STX16: variants seen among roughly 807,000 people sequenced by gnomAD.
The protein encoded by STX16 is syntaxin 16.
STX16 carries 28 observed loss-of-function variants against 42.7 expected under a neutral mutation model. The ratio of observed to expected loss-of-function variants is 0.66; its 90% confidence interval spans 0.49 to 0.90. The LOEUF (loss-of-function observed/expected upper bound fraction) is 0.90. Among genes scored for constraint, STX16 ranks in the 40% least tolerant of loss-of-function variants. STX16 has a pLI of 0.00. For missense variants in STX16, 361 were observed against 420.9 expected, an observed-to-expected ratio of 0.86 and a Z score of 1.24; for synonymous variants, 156 against 155.2, an observed-to-expected ratio of 1.00 and a Z score of -0.04.
chr20:58,669,845 A>G (rs2083928795), intron 5 of STX16, among the ~76,000 whole-genome samples: 1 of 152,242 alleles, frequency 6.6e-6, no homozygotes, highest in Admixed American at 6.5e-5. Context: ...ACATATTTGC[A>G]TAACAACCAA....
chr20:58,675,956 C>G (rs893162099), intron 8 of STX16, among the ~76,000 whole-genome samples: 1 of 152,190 alleles, frequency 6.6e-6, no homozygotes, highest in African/African-American at 2.4e-5. Flanking sequence ...AGGTTTCCAA[C>G]AAATCCATTT....
At position 58,676,681 on chromosome 20, in the gene STX16, A is replaced by G. The variant is rs2084135728; in HGVS notation, c.*390A>G. 6.4e-6 allele frequency: 1 copy of G among 156,166 alleles called. No homozygotes were observed. Among genetic ancestry groups the G allele is most frequent in the African/African-American group, 2.4e-5 (1 of 41,646 alleles). 9.7% of individuals were successfully genotyped at this position (156,166 alleles called of 1,614,324 possible). ...CATGTCTGAGCAGAATGTTAACATA[A>G]TTTTTGGAAAAATTTTCTTTAAACC... On this transcript the variant is annotated 3_prime_UTR_variant, in exon 9 of 9. Coordinates refer to ENST00000371141, the MANE Select transcript of STX16 (RefSeq NM_001001433.3).
At chr20:58,665,682 G>A (rs143282155) in intron 2 of STX16, among the ~76,000 whole-genome samples, 4 of 152,272 alleles carry the variant, frequency 2.6e-5, no homozygotes, top group South Asian at 2.1e-4. Flanking sequence ...TTCACGGCCC[G>A]GGAGCCCCAG....
At chr20:58,652,172 C>T (rs1233496178) in intron 1 of STX16, 34 bp downstream of exon 1, 5 of 1,611,668 alleles carry the variant, frequency 3.1e-6, no homozygotes, top group African/African-American at 1.3e-5. Context: ...GACACACGGA[C>T]CGTGTGCACT....
At chr20:58,663,954 C>T (rs1027834273) in intron 2 of STX16, among the ~76,000 whole-genome samples, 5 of 152,108 alleles carry the variant, frequency 3.3e-5, no homozygotes, top group African/African-American at 4.8e-5. Context: ...CTGGGATTAC[C>T]GGCGTGAGCC....
intron 1 of STX16, among the ~76,000 whole-genome samples, chr20:58,654,577 A>T (rs1446963728): frequency 6.6e-6 from 1 of 152,230 alleles, no homozygotes; most frequent in Non-Finnish European, 1.5e-5. Flanking sequence ...CACAATTTGT[A>T]AAATCTATTG....
At chr20:58,658,659 G>T (rs971655908) in intron 1 of STX16, among the ~76,000 whole-genome samples, 5 of 151,858 alleles carry the variant, frequency 3.3e-5, no homozygotes, top group East Asian at 1.9e-4. Flanking sequence ...ATTGATTATT[G>T]AATTTCACCA....
At chr20:58,663,770 C>T (rs933129641) in intron 2 of STX16, among the ~76,000 whole-genome samples, 26 of 152,110 alleles carry the variant, frequency 1.7e-4, no homozygotes, top group Admixed American at 1.4e-3. Context: ...TTCTGCCTTC[C>T]GGGTTCAAGT....
At chr20:58,670,648 C>T in intron 6 of STX16, 45 bp downstream of exon 6, 1 of 1,507,016 alleles carries the variant, frequency 6.6e-7, no homozygotes, top group East Asian at 2.3e-5. Flanking sequence ...CTGTGCACCC[C>T]ATTCTGCATC....
intron 1 of STX16, among the ~76,000 whole-genome samples, chr20:58,652,648 C>T (rs1387180632): frequency 6.6e-6 from 1 of 151,880 alleles, no homozygotes; most frequent in Non-Finnish European, 1.5e-5. Flanking sequence ...TTTTTCCGCC[C>T]GTTTTCTTTT....
intron 7 of STX16, among the ~76,000 whole-genome samples, chr20:58,673,394 C>T (rs182130998): frequency 6.6e-6 from 1 of 152,276 alleles, no homozygotes; most frequent in Admixed American, 6.5e-5. Context: ...AAACCTCAGT[C>T]TGTCAGTACT....
chr20:58,671,301 C>A lies in STX16; in HGVS notation c.792+4C>A. ...AGGGGCGATGATTGTAGAACAGGTA[C>A]GTGAGCTGGCCTTCCTCGTGAATAG... On this transcript the variant is annotated splice_donor_region_variant and intron_variant, in intron 7 of 8. Coordinates refer to ENST00000371141, the MANE Select transcript of STX16 (RefSeq NM_001001433.3). 2 of 1,602,376 alleles carry A rather than the reference C, an allele frequency of 1.2e-6. No homozygotes were observed. Among genetic ancestry groups the A allele is most frequent in the Non-Finnish European group, 1.7e-6 (2 of 1,171,944 alleles).
chr20:58,662,178 A>G (rs2083715819), intron 2 of STX16, among the ~76,000 whole-genome samples: 1 of 152,250 alleles, frequency 6.6e-6, no homozygotes, highest in Admixed American at 6.5e-5. Flanking sequence ...AATTATTTTA[A>G]AAGTCACAAG....
At chr20:58,669,199 C>T in intron 4 of STX16, 92 bp from the exon 5 acceptor site, 3 of 1,358,558 alleles carry the variant, frequency 2.2e-6, no homozygotes, top group Non-Finnish European at 3.0e-6. Context: ...TGAACAGAGC[C>T]TCTCACTTCT....
In STX16 at chr20:58,678,316, C is replaced by G. The variant is rs1024398621; in HGVS notation, c.*2025C>G. On this transcript the variant is annotated 3_prime_UTR_variant, in exon 9 of 9. Transcript: ENST00000371141. ...AGGGTGATGAGGGTTGGTTTTTGTT[C>G]CCTCAACCCATTTGGGTAAAATAAC... 2 of 151,776 alleles carry G rather than the reference C, an allele frequency of 1.3e-5. No individual in the cohort carries two copies. The highest frequency in any genetic ancestry group is 4.8e-5 in the African/African-American group (2 of 41,274). The allele number at this position is 151,776 out of a possible 1,614,324, so 9.4% of individuals were successfully genotyped here. A position where few individuals can be genotyped will look rare whatever the true frequency, so the allele number is the denominator to read the frequency against.
At chr20:58,655,974 C>T (rs1353488372) in intron 1 of STX16, among the ~76,000 whole-genome samples, 1 of 152,142 alleles carries the variant, frequency 6.6e-6, no homozygotes. Flanking sequence ...ATGCATTTTA[C>T]TTTGGCCTCA....
chr20:58,653,981 A>T (rs1024230483), intron 1 of STX16, among the ~76,000 whole-genome samples: 1 of 152,144 alleles, frequency 6.6e-6, no homozygotes, highest in Non-Finnish European at 1.5e-5. Flanking sequence ...AGGCAATTTT[A>T]AAAAATATTT....
At position 58,678,738 on chromosome 20, in the gene STX16, G is replaced by A. The variant is rs1601069722; in HGVS notation, c.*2447G>A. The A allele has an allele frequency of 6.6e-6, 1 of 152,186 alleles. No individual in the cohort carries two copies. The highest frequency in any genetic ancestry group is 2.4e-5 in the African/African-American group (1 of 41,416). 9.4% of individuals were successfully genotyped at this position (152,186 alleles called of 1,614,324 possible). On this transcript the variant is annotated 3_prime_UTR_variant, in exon 9 of 9. Transcript: ENST00000371141. ...CCCCTGGCCTGTGTGCTGACTTCTTGGGGTCCTCAAACCACTGTATTTTTC... is the reference window on the plus strand; with the variant it reads ...CCCCTGGCCTGTGTGCTGACTTCTTAGGGTCCTCAAACCACTGTATTTTTC...
chr20:58,656,502 T>TA (rs2083589941), intron 1 of STX16, among the ~76,000 whole-genome samples: 1 of 152,260 alleles, frequency 6.6e-6, no homozygotes, highest in Non-Finnish European at 1.5e-5. Context: ...GAAAGGTAGA[T>TA]ATTGAGATGC....
Sources: allele counts gnomAD v4.1 joint callset (sites outside exome capture counted in the v4.1 genomes callset), GRCh38; gene constraint gnomAD v4.1.1; transcripts MANE v1.5; gene names NCBI Gene and HGNC (gene_info 2026-07-23, HGNC 2026-07-21).